The following USP36 variants were observed in gnomAD, a reference collection of about 807,000 sequenced individuals.
USP36 encodes ubiquitin carboxyl-terminal hydrolase 36.
USP36 carries 59 observed loss-of-function variants against 111.5 expected under a neutral mutation model. The observed-to-expected ratio is 0.53, with a 90% confidence interval of 0.43 to 0.66. USP36 has a LOEUF of 0.66. USP36 is among the 30% of genes least tolerant of loss of function. USP36 has a pLI of 0.00. For synonymous variants in USP36, 628 were observed against 581.0 expected (o/e 1.08, Z -1.16); for missense variants, 1,488 against 1,468.0 (o/e 1.01, Z -0.22).
intron 10 of USP36, among the ~76,000 whole-genome samples, chr17:78,814,760 C>T (rs184724468): frequency 6.7e-6 from 1 of 150,320 alleles, no homozygotes; most frequent in Non-Finnish European, 1.5e-5. Context: ...ATCAGCCTGA[C>T]CAATATAGCG....
At chr17:78,811,370 T>A (rs1366396196) in intron 13 of USP36, among the ~76,000 whole-genome samples, 1 of 152,200 alleles carries the variant, frequency 6.6e-6, no homozygotes, top group Non-Finnish European at 1.5e-5. Flanking sequence ...TGTACGTGTG[T>A]ATATATGTAT....
At chr17:78,835,051 G>A (rs2088075035) in intron 4 of USP36, among the ~76,000 whole-genome samples, 1 of 150,016 alleles carries the variant, frequency 6.7e-6, no homozygotes, top group Non-Finnish European at 1.5e-5. Context: ...GTTTCTGTCT[G>A]GGTAATTATT....
intron 3 of USP36, 127 bp downstream of exon 3, chr17:78,835,984 C>T: frequency 7.6e-7 from 1 of 1,323,130 alleles, no homozygotes; most frequent in South Asian, 1.5e-5. Context: ...CCACTGACCC[C>T]ATGTAAAAAT....
chr17:78,806,405 G>A (rs2093902927), intron 14 of USP36, 119 bp from the exon 15 acceptor site: 1 of 1,392,112 alleles, frequency 7.2e-7, no homozygotes, highest in Middle Eastern at 2.3e-4. Context: ...AAAAAAAGAT[G>A]AGGAGACAGA....
At chr17:78,814,273 A>C in intron 11 of USP36, 139 bp downstream of exon 11, 1 of 1,166,762 alleles carries the variant, frequency 8.6e-7, no homozygotes, top group Non-Finnish European at 1.2e-6. Context: ...CCACGCAGAG[A>C]GGCAACAACG....
At chr17:78,789,197 C>CAA (rs869247026) in intron 3 of USP36, among the ~76,000 whole-genome samples, 3,311 of 64,300 alleles carry the variant, frequency 0.051, 48 homozygotes, top group African/African-American at 0.074. Context: ...AACTTGGTCC[C>CAA]AAAAAAAAAA....
At chr17:78,788,321 C>T (rs780509758) in intron 3 of USP36, among the ~76,000 whole-genome samples, 3 of 152,000 alleles carry the variant, frequency 2.0e-5, no homozygotes, top group South Asian at 4.2e-4. Context: ...TGCGCCACCA[C>T]GCCCAGCTGA....
chr17:78,804,248 G>A (rs1280226505), intron 15 of USP36, among the ~76,000 whole-genome samples: 1 of 152,054 alleles, frequency 6.6e-6, no homozygotes, highest in Non-Finnish European at 1.5e-5. Context: ...GATCACCTGA[G>A]GTCAGAAGTT....
Position 78,803,537 on chromosome 17 carries a change from T to C in USP36, c.2658A>G (p.Arg886=), listed in dbSNP as rs2093809896. Residue 886 remains arginine, a synonymous_variant, in exon 16 of 21, where the codon AGA becomes AGG. Coordinates refer to ENST00000449938, the MANE Select transcript of USP36 (RefSeq NM_001385174.1). The surrounding 1 kb of genome is among the most constrained non-coding windows in gnomAD (Gnocchi z 4.6). ...REGQAQLPAV[R]RQEDGTQPQV... ...GTGGCTGTGTGCCATCTTCCTGCCG[T>C]CTGACAGCGGGCAGCTGTGCCTGGC... is the stretch of plus-strand genomic sequence containing the variant. The C allele has an allele frequency of 6.2e-7, 1 of 1,613,652 alleles. No homozygotes were observed. Among genetic ancestry groups the C allele is most frequent in the Non-Finnish European group, 8.5e-7 (1 of 1,180,042 alleles).
chr17:78,823,705 C>A (rs2094385663), intron 6 of USP36, among the ~76,000 whole-genome samples: 1 of 152,118 alleles, frequency 6.6e-6, no homozygotes, highest in Non-Finnish European at 1.5e-5. Flanking sequence ...GGCAAAGAGG[C>A]AGGCAGGCAG....
chr17:78,802,603 C>A (rs1598981338), intron 16 of USP36, 68 bp from the exon 17 acceptor site: 4 of 1,461,762 alleles, frequency 2.7e-6, no homozygotes, highest in Non-Finnish European at 2.8e-6. Context: ...CGCACAGACA[C>A]CCGCCTGCAA....
chr17:78,807,514 G>A lies in USP36; in HGVS notation c.1530C>T (p.Pro510=), dbSNP rs1022821318. The change falls in exon 14 of 21, where the codon CCC becomes CCT. Residue 510 remains proline, a synonymous_variant. Transcript: ENST00000449938. ...AGAGTTTGGGGGAAGGGGACCCCGA[G>A]GGCAGCTTTGGAGGAATGCAGCCGT... ...SQNGCIPPKL[P]SGSPSPKLSQ... The A allele has an allele frequency of 2.5e-6, 4 of 1,613,830 alleles. No homozygotes were observed. The highest frequency in any genetic ancestry group is 3.3e-5 in the Admixed American group (2 of 59,966).
chr17:78,813,950 TA>T (rs2094126094), intron 11 of USP36, 77 bp from the exon 12 acceptor site: 1 of 1,298,124 alleles, frequency 7.7e-7, no homozygotes, highest in Admixed American at 2.1e-5. Flanking sequence ...AAAAAGGGAA[TA>T]AAAAATCTGT....
chr17:78,805,236 G>A (rs1162747924), intron 15 of USP36, among the ~76,000 whole-genome samples: 2 of 152,148 alleles, frequency 1.3e-5, no homozygotes, highest in Non-Finnish European at 2.9e-5. Flanking sequence ...CCAGCTGCAC[G>A]ATGTTTGATT....
Position 78,836,207 on chromosome 17 carries a change from G to A in USP36, c.157C>T (p.Leu53=). The A allele has an allele frequency of 6.2e-7, 1 of 1,614,138 alleles. No homozygotes were observed. The highest frequency in any genetic ancestry group is 8.5e-7 in the Non-Finnish European group (1 of 1,180,036). Residue 53 remains leucine, a synonymous_variant, in exon 3 of 21, where the codon CTG becomes TTG. Transcript: ENST00000449938. ...ACATATTTGCTCTTTAAGGCCTCCA[G>A]CTGGTAGGAGAAGCTCTTGCTGGCT... The part of the protein sequence containing the change: ...EPASKSFSYQ[L]EALKSKYVLL...
chr17:78,826,872 T>A (rs997841960), intron 6 of USP36: 1 of 573,384 alleles, frequency 1.7e-6, no homozygotes, highest in African/African-American at 1.9e-5. Context: ...CAACCTCTTT[T>A]CAAAAACGAC....
chr17:78,821,767 G>A (rs2094336745), intron 7 of USP36, among the ~76,000 whole-genome samples, 170 bp downstream of exon 7: 2 of 152,054 alleles, frequency 1.3e-5, no homozygotes, highest in Non-Finnish European at 2.9e-5. Context: ...AACTGCTCCA[G>A]TGGCCAGGCG....
At chr17:78,809,269 A>C (rs1338118195) in intron 13 of USP36, among the ~76,000 whole-genome samples, 2 of 152,218 alleles carry the variant, frequency 1.3e-5, no homozygotes, top group African/African-American at 4.8e-5. Context: ...AAGCATACAA[A>C]GTCTTCTTCC....
chr17:78,824,289 AAG>A (rs1011433545), intron 6 of USP36, among the ~76,000 whole-genome samples: 21 of 152,344 alleles, frequency 1.4e-4, no homozygotes, highest in African/African-American at 4.8e-4. Context: ...CTAAAATGGC[AAG>A]AGAGAGAGGA....
Sources: gnomAD v4.1 joint callset for allele counts (sites outside exome capture counted in the v4.1 genomes callset) on GRCh38, gnomAD v4.1.1 for gene constraint, Gnocchi (gnomAD v3.1) non-coding constraint, MANE v1.5 for transcripts, NCBI Gene and HGNC (gene_info 2026-07-23, HGNC 2026-07-21) for gene names.